RIC3: variants seen among roughly 807,000 people sequenced by gnomAD.
RIC3 encodes the protein protein RIC-3.
Under a neutral mutation model 27.3 loss-of-function variants are expected in RIC3, and 28 were observed. That is an observed-to-expected ratio of 1.02 (90% CI 0.76 to 1.41). The LOEUF (loss-of-function observed/expected upper bound fraction) is 1.41, where lower values mean the gene tolerates loss of function less well. RIC3 is among the 40% of genes most tolerant of loss of function. RIC3 has a pLI of 0.00. For missense variants in RIC3, 501 were observed against 444.7 expected (o/e 1.13, Z -1.14); for synonymous variants, 184 against 160.4 (o/e 1.15, Z -1.11).
downstream of RIC3, chr11:8,103,520 C>T (rs1181615945): frequency 6.6e-6 from 1 of 152,590 alleles, no homozygotes; most frequent in African/African-American, 2.4e-5. Flanking sequence ...ATGCTTAAAG[C>T]AAGGCATACC....
the RIC3 span, chr11:8,100,819 C>G: frequency 1.1e-4 from 177 of 1,613,530 alleles, 1 homozygote; most frequent in Non-Finnish European, 1.1e-4. Flanking sequence ...TGAGGCTGCC[C>G]TCCCAGGAGC....
chr11:8,117,891 G>C lies in RIC3; in HGVS notation c.671-6754C>G, dbSNP rs547471268. Among the ~76,000 whole-genome samples, 8 of 152,118 alleles carry C rather than the reference G, an allele frequency of 5.3e-5. No individual in the cohort carries two copies. The South Asian group carries it at 1.0e-3, about 20-fold the overall frequency. ...TCAAATAATAACTCATAAAACTGCT[G>C]AGGTAGCCTATGTAAGCCATCATTA... On this transcript the variant is annotated intron_variant, in intron 5 of 5. Transcript: ENST00000309737.
chr11:8,100,791 G>A, the RIC3 span: 1 of 1,610,594 alleles, frequency 6.2e-7, no homozygotes, highest in Non-Finnish European at 8.5e-7. Context: ...GGTGCCAAAG[G>A]CCTGGGCCTG....
chr11:8,103,554 C>A (rs1944395737), downstream of RIC3: 1 of 152,658 alleles, frequency 6.6e-6, no homozygotes, highest in South Asian at 2.1e-4. Flanking sequence ...TCTGCCCACA[C>A]CTCGGCCGTA....
intron 2 of RIC3, chr11:8,139,085 G>C (rs1269071944): frequency 6.6e-6 from 1 of 152,316 alleles, no homozygotes; most frequent in African/African-American, 2.4e-5. Flanking sequence ...GTACGTCCAA[G>C]TGCTGCTTCT....
At chr11:8,164,255 G>T (rs1443966692) in intron 1 of RIC3, among the ~76,000 whole-genome samples, 1 of 152,136 alleles carries the variant, frequency 6.6e-6, no homozygotes, top group Admixed American at 6.5e-5. Flanking sequence ...AAATCTTCAT[G>T]ACCTTGGATT....
chr11:8,147,724 A>ATTTTT (rs900780947), intron 1 of RIC3, among the ~76,000 whole-genome samples: 3 of 124,522 alleles, frequency 2.4e-5, no homozygotes, highest in Non-Finnish European at 3.3e-5. Flanking sequence ...CTTGCGTAAG[A>ATTTTT]TTTTTTTTTT....
intron 1 of RIC3, among the ~76,000 whole-genome samples, chr11:8,155,760 A>T (rs960528382): frequency 6.6e-6 from 1 of 152,174 alleles, no homozygotes; most frequent in Non-Finnish European, 1.5e-5. Flanking sequence ...AGAACTGGAC[A>T]TGTTTCTATT....
intron 1 of RIC3, among the ~76,000 whole-genome samples, chr11:8,154,970 G>T (rs1467343813): frequency 6.6e-6 from 1 of 152,080 alleles, no homozygotes; most frequent in African/African-American, 2.4e-5. Context: ...TTTAATCCCA[G>T]CATTTAGCAA....
At chr11:8,153,409 C>A (rs1370010434) in intron 1 of RIC3, 3 of 453,068 alleles carry the variant, frequency 6.6e-6, no homozygotes, top group Non-Finnish European at 1.3e-5. Context: ...TTTGTCAGTT[C>A]TCACTCTTAG....
rs945793416 is a variant in RIC3, at chr11:8,107,733, G to C, written c.*2965C>G. 5.9e-5 allele frequency: 9 copies of C among 152,156 alleles called. No individual in the cohort carries two copies. Among genetic ancestry groups the C allele is most frequent in the African/African-American group, 1.7e-4 (7 of 41,430 alleles). 9.4% of individuals were successfully genotyped at this position (152,156 alleles called of 1,614,324 possible). On this transcript the variant is annotated 3_prime_UTR_variant, in exon 6 of 6. Coordinates refer to ENST00000309737, the MANE Select transcript of RIC3 (RefSeq NM_001206671.4). Reference sequence around the variant, plus strand: ...GTGCTCCTGTTGTGACCAGGAAAGGGGATCTCCTGGCTGCACCACCCACCT... The same window carrying C: ...GTGCTCCTGTTGTGACCAGGAAAGGCGATCTCCTGGCTGCACCACCCACCT...
At chr11:8,122,388 G>A (rs966532441) in intron 5 of RIC3, among the ~76,000 whole-genome samples, 1 of 151,836 alleles carries the variant, frequency 6.6e-6, no homozygotes, top group African/African-American at 2.4e-5. Context: ...ATAATTCTCT[G>A]GAAATTCATC....
downstream of RIC3, chr11:8,101,093 G>A: frequency 7.1e-7 from 1 of 1,401,162 alleles, no homozygotes. Flanking sequence ...ACTGGCTAGA[G>A]TTTAAGAATG....
chr11:8,116,210 A>T (rs1172978663), intron 5 of RIC3, among the ~76,000 whole-genome samples: 1 of 152,254 alleles, frequency 6.6e-6, no homozygotes, highest in Non-Finnish European at 1.5e-5. Flanking sequence ...TGGTGTGGGG[A>T]AACTAGATAT....
At chr11:8,139,517 G>T (rs1948797969) in intron 2 of RIC3, 1 of 163,130 alleles carries the variant, frequency 6.1e-6, no homozygotes, top group Non-Finnish European at 1.3e-5. Context: ...GAAACAAGCA[G>T]GATAAAGTGG....
chr11:8,142,899 G>T (rs1295199586), intron 1 of RIC3, among the ~76,000 whole-genome samples: 1 of 87,748 alleles, frequency 1.1e-5, no homozygotes, highest in Non-Finnish European at 1.9e-5. Flanking sequence ...ATGTAATCCA[G>T]CATATAAACA....
At chr11:8,147,423 G>A (rs1949807332) in intron 1 of RIC3, among the ~76,000 whole-genome samples, 1 of 151,894 alleles carries the variant, frequency 6.6e-6, no homozygotes, top group African/African-American at 2.4e-5. Context: ...TACCTTAGTT[G>A]ATTGTCTCCT....
the RIC3 span, chr11:8,100,492 C>G: frequency 1.9e-6 from 3 of 1,613,010 alleles, no homozygotes; most frequent in Non-Finnish European, 2.5e-6. Context: ...GTGTTGCGTT[C>G]TCTTTCCCAG....
chr11:8,114,434 A>G (rs189286776), intron 5 of RIC3, among the ~76,000 whole-genome samples: 1 of 152,054 alleles, frequency 6.6e-6, no homozygotes, highest in African/African-American at 2.4e-5. Context: ...GTAAAATCCT[A>G]TCTCTACTAA....
Sources: gnomAD v4.1 joint callset for allele counts (sites outside exome capture counted in the v4.1 genomes callset) on GRCh38, gnomAD v4.1.1 for gene constraint, MANE v1.5 for transcripts, NCBI Gene and HGNC (gene_info 2026-07-23, HGNC 2026-07-21) for gene names.